LRRIQ4: variants seen among roughly 807,000 people sequenced by gnomAD.
LRRIQ4 encodes the protein leucine-rich repeat and IQ domain-containing protein 4.
In LRRIQ4, 21 loss-of-function variants were observed where a neutral mutation model predicts 40.1. That is an observed-to-expected ratio of 0.52 (90% CI 0.37 to 0.75). The LOEUF is 0.75. LRRIQ4 is among the 30% of genes least tolerant of loss of function. The pLI is 0.00. For synonymous variants in LRRIQ4, 277 were observed against 277.1 expected, an observed-to-expected ratio of 1.00 and a Z score of 0.00; for missense variants, 655 against 660.0, an observed-to-expected ratio of 0.99 and a Z score of 0.08.
chr3:169,829,495 T>TTTG (rs1414151920), intron 3 of LRRIQ4, among the ~76,000 whole-genome samples: 3 of 151,862 alleles, frequency 2.0e-5, no homozygotes, highest in African/African-American at 7.3e-5. Context: ...GAACTGTTTT[T>TTTG]TTTTTTTCAT....
intron 5 of LRRIQ4, among the ~76,000 whole-genome samples, chr3:169,833,698 A>G (rs1486015412): frequency 2.0e-5 from 3 of 152,144 alleles, no homozygotes; most frequent in African/African-American, 4.8e-5. Flanking sequence ...TTATTCTCCA[A>G]CTGGCCCAAG....
intron 4 of LRRIQ4, among the ~76,000 whole-genome samples, chr3:169,831,440 ATTTTTTTTTTTTTTTTTTTTTTTT>A (rs750864248): frequency 1.7e-4 from 5 of 29,432 alleles, no homozygotes; most frequent in South Asian, 2.8e-3. Context: ...CGCCCGGCTA[ATTTTTTTTTTTTTTTTTTTTTTTT>A]TTTTTTTTTT....
chr3:169,833,319 A>G, intron 5 of LRRIQ4, 136 bp downstream of exon 5: 1 of 687,872 alleles, frequency 1.5e-6, no homozygotes, highest in South Asian at 2.5e-5. Context: ...GGTAACTTTT[A>G]TGTCCCCAGG....
intron 1 of LRRIQ4, among the ~76,000 whole-genome samples, chr3:169,813,784 T>C (rs1276513747): frequency 1.3e-5 from 2 of 152,240 alleles, no homozygotes; most frequent in East Asian, 3.8e-4. Context: ...CCTTGCTTTG[T>C]GCGTTTTGTC....
rs772569175 is a variant in LRRIQ4, at chr3:169,837,579, A to G, written c.1631A>G (p.Lys544Arg). The G allele has an allele frequency of 2.8e-5, 45 of 1,596,808 alleles. No individual in the cohort carries two copies. Among genetic ancestry groups the G allele is most frequent in the Non-Finnish European group, 6.8e-6 (8 of 1,172,158 alleles). ...AAAGGAAAGACCTCTCCAAAAGATA[A>G]GAAAGGAAAGAAGGATGTAAAAGGA... ...QKKGKTSPKDKKGKKDVKGKP... is the reference protein window; with the variant it reads ...QKKGKTSPKDRKGKKDVKGKP... Residue 544 changes from lysine to arginine, a missense_variant, in exon 6 of 6, where the codon AAG becomes AGG. Physicochemically the swap from Lys to Arg is conservative, Grantham distance 26 (BLOSUM62 2). Transcript: ENST00000340806.
chr3:169,821,307 C>G (rs993741033), intron 1 of LRRIQ4, among the ~76,000 whole-genome samples: 2 of 152,102 alleles, frequency 1.3e-5, no homozygotes, highest in African/African-American at 4.8e-5. Context: ...CCTTCTACAT[C>G]CTACTGGAAA....
intron 5 of LRRIQ4, among the ~76,000 whole-genome samples, chr3:169,833,746 T>C (rs768602870): frequency 1.1e-4 from 16 of 152,184 alleles, no homozygotes; most frequent in Non-Finnish European, 4.4e-5. Context: ...ACATAAGCCC[T>C]CTGACTACTG....
chr3:169,817,793 A>G (rs542966545), intron 1 of LRRIQ4, among the ~76,000 whole-genome samples: 1 of 151,900 alleles, frequency 6.6e-6, no homozygotes, highest in African/African-American at 2.4e-5. Flanking sequence ...ATCTTTTCCC[A>G]TTCCTTTATT....
chr3:169,830,459 G>A (rs570011970), intron 3 of LRRIQ4, 33 bp from the exon 4 acceptor site: 3 of 1,316,504 alleles, frequency 2.3e-6, no homozygotes, highest in Non-Finnish European at 3.1e-6. Context: ...ATTAATCAAG[G>A]TATATTATTA....
At chr3:169,821,136 C>T (rs1441746056) in intron 1 of LRRIQ4, among the ~76,000 whole-genome samples, 5 of 152,202 alleles carry the variant, frequency 3.3e-5, no homozygotes, top group African/African-American at 1.2e-4. Flanking sequence ...GTTGGTGCAT[C>T]TCTAGAATAT....
chr3:169,827,480 G>A (rs1037905854), intron 2 of LRRIQ4, among the ~76,000 whole-genome samples: 3 of 151,968 alleles, frequency 2.0e-5, no homozygotes, highest in South Asian at 2.1e-4. Context: ...GGTGGTGGGC[G>A]CCTGTAGTCC....
Position 169,822,711 on chromosome 3 carries a change from C to T in LRRIQ4, c.790C>T (p.Leu264=), listed in dbSNP as rs967051837. 6.2e-7 allele frequency: 1 copy of T among 1,613,942 alleles called. No individual in the cohort carries two copies. The highest frequency in any genetic ancestry group is 8.5e-7 in the Non-Finnish European group (1 of 1,179,870). The part of the protein sequence containing the change: ...AELRKMTEIG[L]SGNRLEKVPR... ...GCTCAGGAAGATGACGGAAATCGGG[C>T]TGAGCGGGAACCGCCTGGAGAAGGT... Residue 264 remains leucine (L), a synonymous_variant, in exon 2 of 6, where the codon CTG becomes TTG. Transcript: ENST00000340806.
At position 169,830,544 on chromosome 3, in the gene LRRIQ4, C is replaced by G. The variant is rs749072543; in HGVS notation, c.1247C>G (p.Ser416Cys). Residue 416 changes from serine to cysteine, a missense_variant, in exon 4 of 6, where the codon TCC becomes TGC. Physicochemically the swap from Ser to Cys is moderately radical, Grantham distance 112 (BLOSUM62 -1). Coordinates refer to ENST00000340806, the MANE Select transcript of LRRIQ4 (RefSeq NM_001080460.3). ...AATCATCTGGAGTACCTGCCCGTATCCTTGGGGTCAATGCCTAACCTAGAA... is the reference window on the plus strand; with the variant it reads ...AATCATCTGGAGTACCTGCCCGTATGCTTGGGGTCAATGCCTAACCTAGAA... ...ENNHLEYLPV[S>C]LGSMPNLEVL... 1.9e-6 allele frequency: 3 copies of G among 1,612,812 alleles called. No homozygotes were observed. In the African/African-American group the frequency reaches 4.0e-5, roughly 22 times the overall value.
At chr3:169,828,611 A>C in intron 2 of LRRIQ4, 148 bp from the exon 3 acceptor site, 1 of 636,338 alleles carries the variant, frequency 1.6e-6, no homozygotes, top group Non-Finnish European at 2.7e-6. Context: ...AAATACTGTA[A>C]TGCAGATATG....
Position 169,822,326 on chromosome 3 carries a change from C to T in LRRIQ4, c.405C>T (p.Val135=), listed in dbSNP as rs1363428575. The T allele has an allele frequency of 1.9e-6, 3 of 1,613,748 alleles. No individual in the cohort carries two copies. The highest frequency in any genetic ancestry group is 1.1e-5 in the South Asian group (1 of 91,058). The stretch of plus-strand genomic sequence containing the variant: ...AGACCGACCTGAAGGAAATTCCCGT[C>T]GTCATCTTTAAAAACCTCCACCATC... ...LYQTDLKEIP[V]VIFKNLHHLE... The change falls in exon 2 of 6, where the codon GTC becomes GTT. Residue 135 remains valine (V), a synonymous_variant. Transcript: ENST00000340806.
intron 1 of LRRIQ4, among the ~76,000 whole-genome samples, chr3:169,820,239 C>T (rs1315917385): frequency 2.1e-5 from 3 of 141,086 alleles, no homozygotes; most frequent in Non-Finnish European, 4.5e-5. Flanking sequence ...TCTGCCTTTC[C>T]CCATAGACTC....
intron 5 of LRRIQ4, among the ~76,000 whole-genome samples, chr3:169,833,948 CCT>C (rs1350018236): frequency 9.8e-5 from 15 of 152,300 alleles, no homozygotes; most frequent in Middle Eastern, 3.4e-3. Flanking sequence ...TTTTGTAATA[CCT>C]CTTTTACTAT....
At chr3:169,828,096 A>G (rs1210701840) in intron 2 of LRRIQ4, among the ~76,000 whole-genome samples, 2 of 152,246 alleles carry the variant, frequency 1.3e-5, no homozygotes, top group South Asian at 4.1e-4. Flanking sequence ...CACTAAATTT[A>G]TTAGTTCCAA....
intron 1 of LRRIQ4, among the ~76,000 whole-genome samples, chr3:169,820,176 A>G (rs1779848692): frequency 3.9e-5 from 6 of 152,072 alleles, no homozygotes. Context: ...TCATTCTAAA[A>G]AGAAGTTCAA....
Sources: allele counts gnomAD v4.1 joint callset (sites outside exome capture counted in the v4.1 genomes callset), GRCh38; gene constraint gnomAD v4.1.1; transcripts MANE v1.5; gene names NCBI Gene and HGNC (gene_info 2026-07-23, HGNC 2026-07-21).